The following FAT3 variants were observed in gnomAD, a reference collection of about 807,000 sequenced individuals.
The protein encoded by FAT3 is FAT atypical cadherin 3, also known as protocadherin Fat 3.
Under a neutral mutation model 310.2 loss-of-function variants are expected in FAT3, and 95 were observed. The ratio of observed to expected loss-of-function variants is 0.31; its 90% confidence interval spans 0.26 to 0.36. FAT3 has a LOEUF of 0.36. Among genes scored for constraint, FAT3 ranks in the 10% least tolerant of loss-of-function variants. FAT3 has a pLI of 1.00. For synonymous variants in FAT3, 2,314 were observed against 2,192.9 expected (o/e 1.06, Z -1.54); for missense variants, 5,408 against 5,715.6 (o/e 0.95, Z 1.74).
chr11:92,322,770 A>G (rs1418818012), intron 1 of FAT3, among the ~76,000 whole-genome samples: 1 of 152,186 alleles, frequency 6.6e-6, no homozygotes, highest in Non-Finnish European at 1.5e-5. Context: ...GCAGCAACTC[A>G]GTTACATCTT....
Position 92,890,526 on chromosome 11 carries a change from G to A in FAT3, c.13183G>A (p.Ala4395Thr), listed in dbSNP as rs1292661793. ...GGACACCTCTGATTGGATGCCAGGG[G>A]CCCGCCTGTCGGACATAGAGGAAGT... ...HWDTSDWMPG[A>T]RLSDIEEVPN... The change falls in exon 28 of 28, where the codon GCC becomes ACC. Residue 4395 changes from alanine to threonine, a missense_variant. Transcript: ENST00000525166. 3 of 1,613,570 alleles carry A rather than the reference G, an allele frequency of 1.9e-6. No individual in the cohort carries two copies. Among genetic ancestry groups the A allele is most frequent in the Non-Finnish European group, 2.5e-6 (3 of 1,179,760 alleles).
In FAT3 at chr11:92,891,004, G is replaced by C. The variant is rs2136449724; in HGVS notation, c.13661G>C (p.Gly4554Ala). ...TSSSDVSANC[G>A]FDDSEVAMSD... ...TCCTCGGATGTGTCTGCCAACTGCG[G>C]CTTTGACGATTCCGAAGTAGCCATG... Residue 4554 changes from glycine (G) to alanine (A), a missense_variant, in exon 28 of 28, where the codon GGC (glycine) becomes GCC (alanine). This residue lies in a region of FAT3 where 649 missense variants were observed against 666.2 expected (regional missense o/e 0.97). Coordinates refer to ENST00000525166, the MANE Select transcript of FAT3 (RefSeq NM_001367949.2). The C allele has an allele frequency of 2.5e-6, 4 of 1,613,950 alleles. No homozygotes were observed. Among genetic ancestry groups the C allele is most frequent in the Non-Finnish European group, 3.4e-6 (4 of 1,179,868 alleles).
rs1949912165 is a variant in FAT3 at position 92,891,195 on chromosome 11, T to G, written c.*82T>G. The stretch of plus-strand genomic sequence containing the variant: ...CTGGGCTTCTGTCCCAGTGGAGCAT[T>G]GTCTGTGGAATGAGAAGGGAATACT... On this transcript the variant is annotated 3_prime_UTR_variant, in exon 28 of 28. Coordinates refer to ENST00000525166, the MANE Select transcript of FAT3 (RefSeq NM_001367949.2). 1.3e-6 allele frequency: 2 copies of G among 1,525,832 alleles called. No homozygotes were observed. Among genetic ancestry groups the G allele is most frequent in the South Asian group, 2.4e-5 (2 of 82,724 alleles). 94.5% of individuals were successfully genotyped at this position (1,525,832 alleles called of 1,614,324 possible).
chr11:92,718,234 C>T (rs898533448), intron 4 of FAT3, among the ~76,000 whole-genome samples: 1 of 152,154 alleles, frequency 6.6e-6, no homozygotes, highest in African/African-American at 2.4e-5. Flanking sequence ...CATGATGCCA[C>T]ACACACACCA....
chr11:92,515,976 T>C (rs891249822), intron 2 of FAT3, among the ~76,000 whole-genome samples: 2 of 152,076 alleles, frequency 1.3e-5, no homozygotes, highest in African/African-American at 4.8e-5. Flanking sequence ...TAACAAGTTC[T>C]GAAATTGAGG....
chr11:92,371,781 A>G (rs920363297), intron 2 of FAT3, among the ~76,000 whole-genome samples: 10 of 152,114 alleles, frequency 6.6e-5, no homozygotes, highest in African/African-American at 2.4e-4. Context: ...ATTCATTCCC[A>G]TGCAGCATAA....
intron 2 of FAT3, among the ~76,000 whole-genome samples, chr11:92,388,901 A>G (rs1217749974): frequency 6.6e-6 from 1 of 152,098 alleles, no homozygotes; most frequent in Non-Finnish European, 1.5e-5. Flanking sequence ...CTTTCCCTGA[A>G]CTGGACTTTC....
At chr11:92,254,419 A>C (rs1328588599) in intron 1 of FAT3, among the ~76,000 whole-genome samples, 2 of 152,192 alleles carry the variant, frequency 1.3e-5, no homozygotes, top group Admixed American at 6.6e-5. Flanking sequence ...AAAGATTTTA[A>C]GGGGCAATGT....
At chr11:92,475,294 C>T (rs138194003) in intron 2 of FAT3, among the ~76,000 whole-genome samples, 1 of 152,234 alleles carries the variant, frequency 6.6e-6, no homozygotes, top group East Asian at 1.9e-4. Flanking sequence ...TGTTTCTTAT[C>T]TCCTGGCAGA....
At chr11:92,279,209 G>A (rs1328496845) in intron 1 of FAT3, among the ~76,000 whole-genome samples, 1 of 152,014 alleles carries the variant, frequency 6.6e-6, no homozygotes, top group African/African-American at 2.4e-5. Context: ...ATCCATCAGG[G>A]CTCAGCTGCT....
At chr11:92,557,772 C>T (rs996537119) in intron 3 of FAT3, among the ~76,000 whole-genome samples, 3 of 152,136 alleles carry the variant, frequency 2.0e-5, no homozygotes, top group African/African-American at 4.8e-5. Flanking sequence ...AAATGAAATC[C>T]TGTGATGTCT....
chr11:92,580,318 T>C (rs1000314637), intron 3 of FAT3, among the ~76,000 whole-genome samples: 3 of 152,088 alleles, frequency 2.0e-5, no homozygotes, highest in African/African-American at 7.2e-5. Context: ...TGTCTAGTGA[T>C]GCTACCATGA....
intron 3 of FAT3, among the ~76,000 whole-genome samples, chr11:92,679,960 T>A (rs1452863038): frequency 6.6e-6 from 1 of 151,832 alleles, no homozygotes; most frequent in Admixed American, 6.6e-5. Flanking sequence ...TTAATGGGAT[T>A]TTTTTGTTGC....
At chr11:92,598,210 G>GTATATA (rs1939813782) in intron 3 of FAT3, among the ~76,000 whole-genome samples, 1 of 114,866 alleles carries the variant, frequency 8.7e-6, no homozygotes, top group South Asian at 2.6e-4. Context: ...AAATATATAT[G>GTATATA]TATACATATA....
chr11:92,391,349 A>G (rs2134814072), intron 2 of FAT3, among the ~76,000 whole-genome samples: 1 of 152,138 alleles, frequency 6.6e-6, no homozygotes, highest in African/African-American at 2.4e-5. Context: ...CACCTCCCCA[A>G]GTGTTTCTAG....
At chr11:92,610,186 A>C (rs906700284) in intron 3 of FAT3, among the ~76,000 whole-genome samples, 5 of 152,222 alleles carry the variant, frequency 3.3e-5, no homozygotes, top group Non-Finnish European at 7.3e-5. Context: ...TTAGCAATAA[A>C]ATTCACATGA....
At chr11:92,365,860 A>T (rs1949005908) in intron 2 of FAT3, among the ~76,000 whole-genome samples, 1 of 152,246 alleles carries the variant, frequency 6.6e-6, no homozygotes, top group South Asian at 2.1e-4. Context: ...TGATGACCAC[A>T]TGTGGGGCTA....
At chr11:92,280,020 T>C (rs993226341) in intron 1 of FAT3, among the ~76,000 whole-genome samples, 12 of 152,304 alleles carry the variant, frequency 7.9e-5, no homozygotes, top group Admixed American at 3.3e-4. Flanking sequence ...ATGTGTTTTC[T>C]AGTAAAAATA....
intron 4 of FAT3, among the ~76,000 whole-genome samples, chr11:92,703,887 T>C (rs1944179891): frequency 6.6e-6 from 1 of 152,210 alleles, no homozygotes; most frequent in South Asian, 2.1e-4. Context: ...TTAGCTGCTG[T>C]CTTGGCATCA....
Sources: allele counts gnomAD v4.1 joint callset (sites outside exome capture counted in the v4.1 genomes callset), GRCh38; gene constraint gnomAD v4.1.1; regional missense constraint gnomAD v4.1.1; transcripts MANE v1.5; gene names NCBI Gene and HGNC (gene_info 2026-07-23, HGNC 2026-07-21).